The following SUPT3H variants were observed in gnomAD, a reference collection of about 807,000 sequenced individuals.
SUPT3H encodes the protein SPT3 homolog, SAGA and STAGA complex component.
Under a neutral mutation model 44.3 loss-of-function variants are expected in SUPT3H, and 44 were observed. The observed-to-expected ratio is 0.99, with a 90% CI of 0.78 to 1.28. SUPT3H has a LOEUF of 1.28. Among genes scored for constraint, SUPT3H ranks in the 50% most tolerant of loss-of-function variants. The probability of loss-of-function intolerance (pLI) is 0.00; values close to 1 mark genes in which losing one functional copy is unlikely to be tolerated. For synonymous variants in SUPT3H, 124 were observed against 125.6 expected (o/e 0.99, Z 0.09); for missense variants, 380 against 387.1 (o/e 0.98, Z 0.15).
At chr6:45,191,104 T>C (rs1251621720) in intron 2 of SUPT3H, among the ~76,000 whole-genome samples, 1 of 152,098 alleles carries the variant, frequency 6.6e-6, no homozygotes, top group African/African-American at 2.4e-5. Flanking sequence ...TGTCCACATA[T>C]AAACCTACAC....
intron 2 of SUPT3H, among the ~76,000 whole-genome samples, chr6:45,152,486 A>T (rs1250788536): frequency 6.6e-6 from 1 of 151,952 alleles, no homozygotes; most frequent in Non-Finnish European, 1.5e-5. Flanking sequence ...AAGCAGCTAG[A>T]GGAATCCTTT....
chr6:45,229,514 T>C (rs1379100852), intron 2 of SUPT3H, among the ~76,000 whole-genome samples: 1 of 152,186 alleles, frequency 6.6e-6, no homozygotes, highest in Non-Finnish European at 1.5e-5. Context: ...CAGACATAGA[T>C]GGTGTTCTAT....
At chr6:45,319,673 T>C (rs1785183657) in intron 2 of SUPT3H, among the ~76,000 whole-genome samples, 1 of 152,122 alleles carries the variant, frequency 6.6e-6, no homozygotes, top group Admixed American at 6.6e-5. Context: ...AGAAAATGAA[T>C]TTACTTTGGA....
intron 10 of SUPT3H, among the ~76,000 whole-genome samples, chr6:44,860,148 G>C (rs1307750777): frequency 6.6e-6 from 1 of 152,112 alleles, no homozygotes; most frequent in Non-Finnish European, 1.5e-5. Flanking sequence ...TAAGGTCGTG[G>C]GGAATTTATT....
At chr6:44,830,042 T>C (rs1768345125) in intron 10 of SUPT3H, among the ~76,000 whole-genome samples, 185 bp from the exon 11 acceptor site, 3 of 152,186 alleles carry the variant, frequency 2.0e-5, no homozygotes, top group Non-Finnish European at 4.4e-5. Flanking sequence ...AAAAAGTCAG[T>C]GTGGTTAACA....
chr6:45,320,506 T>C (rs1195962059), intron 2 of SUPT3H, among the ~76,000 whole-genome samples: 3 of 151,870 alleles, frequency 2.0e-5, no homozygotes, highest in East Asian at 1.9e-4. Context: ...CTCGAACTCC[T>C]GGGGACAAGT....
At chr6:45,254,486 C>T (rs1370719575) in intron 2 of SUPT3H, among the ~76,000 whole-genome samples, 2 of 152,076 alleles carry the variant, frequency 1.3e-5, no homozygotes, top group Non-Finnish European at 2.9e-5. Flanking sequence ...CACACACACA[C>T]ATTAGTATAC....
At chr6:44,844,191 T>C (rs1031802624) in intron 10 of SUPT3H, among the ~76,000 whole-genome samples, 2 of 152,074 alleles carry the variant, frequency 1.3e-5, no homozygotes, top group Admixed American at 6.5e-5. Context: ...TGGACATCCA[T>C]ATGCAAAAAA....
chr6:44,948,320 A>G (rs1377673245), intron 9 of SUPT3H, among the ~76,000 whole-genome samples: 1 of 152,248 alleles, frequency 6.6e-6, no homozygotes, highest in East Asian at 1.9e-4. Flanking sequence ...CATTCAGGAC[A>G]TAGGCATGGG....
intron 3 of SUPT3H, among the ~76,000 whole-genome samples, chr6:45,051,004 C>A (rs1270240748): frequency 1.3e-5 from 2 of 151,396 alleles, no homozygotes; most frequent in African/African-American, 2.4e-5. Flanking sequence ...CCTGACTCAG[C>A]CTCCTGAGTA....
chr6:44,975,034 G>C (rs1430672531), intron 6 of SUPT3H, among the ~76,000 whole-genome samples: 1 of 152,126 alleles, frequency 6.6e-6, no homozygotes, highest in Non-Finnish European at 1.5e-5. Flanking sequence ...AGCTGGGCAT[G>C]GTGGTGGGTG....
intron 10 of SUPT3H, among the ~76,000 whole-genome samples, chr6:44,859,615 T>C (rs765602124): frequency 6.6e-6 from 1 of 152,102 alleles, no homozygotes; most frequent in Non-Finnish European, 1.5e-5. Flanking sequence ...CCCTGACAAA[T>C]GTGTTGACCA....
chr6:45,150,872 G>GC (rs1048985143), intron 2 of SUPT3H, among the ~76,000 whole-genome samples: 2 of 151,914 alleles, frequency 1.3e-5, no homozygotes, highest in African/African-American at 4.8e-5. Context: ...ACAGGCGTGC[G>GC]CCACCATGCC....
At chr6:45,352,673 T>A (rs1792304098) in intron 2 of SUPT3H, among the ~76,000 whole-genome samples, 1 of 152,178 alleles carries the variant, frequency 6.6e-6, no homozygotes, top group South Asian at 2.1e-4. Flanking sequence ...CCTAGTATTC[T>A]GTTTATAAGT....
At chr6:45,018,543 G>A (rs528275445) in intron 4 of SUPT3H, among the ~76,000 whole-genome samples, 15 of 152,160 alleles carry the variant, frequency 9.9e-5, no homozygotes, top group African/African-American at 2.4e-4. Flanking sequence ...TTTATTGAGC[G>A]TTTTTAGCAT....
chr6:45,306,427 C>T (rs181976417), intron 2 of SUPT3H, among the ~76,000 whole-genome samples: 3 of 152,224 alleles, frequency 2.0e-5, no homozygotes, highest in African/African-American at 4.8e-5. Flanking sequence ...AAATCAACCT[C>T]GGCTGGCAGA....
At chr6:45,085,326 T>C (rs1796356799) in intron 3 of SUPT3H, among the ~76,000 whole-genome samples, 1 of 152,274 alleles carries the variant, frequency 6.6e-6, no homozygotes, top group South Asian at 2.1e-4. Context: ...ATTTTTGCTA[T>C]TGCTGGAATT....
At chr6:44,864,080 AT>A (rs747856747) in intron 10 of SUPT3H, among the ~76,000 whole-genome samples, 2 of 152,070 alleles carry the variant, frequency 1.3e-5, no homozygotes, top group Non-Finnish European at 2.9e-5. Flanking sequence ...ATATTCTCAC[AT>A]TTCAAAATCA....
At chr6:45,186,529 T>G (rs1814241538) in intron 2 of SUPT3H, among the ~76,000 whole-genome samples, 1 of 152,020 alleles carries the variant, frequency 6.6e-6, no homozygotes, top group African/African-American at 2.4e-5. Flanking sequence ...AATGTTAGAG[T>G]GGAGATGACA....
Sources: gnomAD v4.1 joint callset for allele counts (sites outside exome capture counted in the v4.1 genomes callset) on GRCh38, gnomAD v4.1.1 for gene constraint, MANE v1.5 for transcripts, NCBI Gene and HGNC (gene_info 2026-07-23, HGNC 2026-07-21) for gene names.